B3GALNT2: variants seen among roughly 807,000 people sequenced by gnomAD.
B3GALNT2 encodes UDP-GalNAc:beta-1,3-N-acetylgalactosaminyltransferase 2.
A neutral mutation model predicts 61.1 loss-of-function variants in B3GALNT2; 53 were observed. The observed-to-expected ratio is 0.87, with a 90% CI of 0.70 to 1.09. B3GALNT2 has a LOEUF of 1.09. B3GALNT2 is among the 50% of genes least tolerant of loss of function. B3GALNT2 has a pLI of 0.00. For missense variants in B3GALNT2, 544 were observed against 623.0 expected (o/e 0.87, Z 1.35); for synonymous variants, 223 against 237.4 (o/e 0.94, Z 0.56).
chr1:235,448,589 G>A lies in B3GALNT2; in HGVS notation c.*1617C>T, dbSNP rs1339593216. On this transcript the variant is annotated 3_prime_UTR_variant, in exon 12 of 12. Coordinates refer to ENST00000366600, the MANE Select transcript of B3GALNT2 (RefSeq NM_152490.5). ...TAAGGGTAAGCTACTGCCTGGGGAC[G>A]GGGTGGGGGAAGAGTATGTGTAGCA... 17 of 1,384,424 alleles carry A rather than the reference G, an allele frequency of 1.2e-5. No homozygotes were observed. The highest frequency in any genetic ancestry group is 3.8e-4 in the Middle Eastern group (2 of 5,210). The allele number at this position is 1,384,424 out of a possible 1,614,324, so 85.8% of individuals were successfully genotyped here.
downstream of B3GALNT2, among the ~76,000 whole-genome samples, chr1:235,446,763 T>G (rs561957722): frequency 6.6e-6 from 1 of 151,156 alleles, no homozygotes; most frequent in Non-Finnish European, 1.5e-5. Context: ...AGTGGCGCGA[T>G]CATGGCTCAC....
At chr1:235,491,084 TAAA>T (rs34246434) in intron 2 of B3GALNT2, among the ~76,000 whole-genome samples, 1 of 138,924 alleles carries the variant, frequency 7.2e-6, no homozygotes, top group Non-Finnish European at 1.6e-5. Flanking sequence ...AGTGAATAGT[TAAA>T]AAAAAAAAAA....
chr1:235,452,374 A>C lies in B3GALNT2; in HGVS notation c.1368+716T>G, dbSNP rs1013389961. On this transcript the variant is annotated intron_variant, in intron 11 of 11. Transcript: ENST00000366600. ...GTTGATTTATAACCTTTTGCTTTAA[A>C]CTCAGAAAAATACTGTATGAGAAAT... 53 of 151,948 alleles carry C rather than the reference A, an allele frequency of 3.5e-4. 1 individual carries two copies. The highest frequency in any genetic ancestry group is 3.4e-3 in the Admixed American group (52 of 15,246). The allele number at this position is 151,948 out of a possible 1,614,324, so 9.4% of individuals were successfully genotyped here.
At chr1:235,471,681 GAC>G (rs1287203032) in intron 5 of B3GALNT2, among the ~76,000 whole-genome samples, 5 of 152,066 alleles carry the variant, frequency 3.3e-5, no homozygotes, top group African/African-American at 4.8e-5. Flanking sequence ...TTCAGTTTTT[GAC>G]ACAGAGCCTC....
At chr1:235,442,264 G>A (rs1407653018), downstream of B3GALNT2, among the ~76,000 whole-genome samples, 4 of 152,084 alleles carry the variant, frequency 2.6e-5, no homozygotes, top group Admixed American at 6.6e-5. Context: ...TCCGCCTCCC[G>A]GGTTCAAGCG....
chr1:235,494,787 C>A lies in B3GALNT2; in HGVS notation c.154G>T (p.Asp52Tyr). 6.2e-7 allele frequency: 1 copy of A among 1,611,250 alleles called. No homozygotes were observed. Among genetic ancestry groups the A allele is most frequent in the Non-Finnish European group, 8.5e-7 (1 of 1,177,550 alleles). Reference sequence around the variant, plus strand: ...GCTGACAACACGCCAACTACCACATCATAGTGAGTAGATTTCCACTGAGGA... The same window carrying A: ...GCTGACAACACGCCAACTACCACATAATAGTGAGTAGATTTCCACTGAGGA... ...LFPQWKSTHY[D>Y]VVVGVLSARN... The change falls in exon 2 of 12, where the codon GAT becomes TAT. Residue 52 changes from aspartate to tyrosine, a missense_variant. By Grantham distance (160) the Asp-to-Tyr change is radical. Transcript: ENST00000366600.
intron 5 of B3GALNT2, among the ~76,000 whole-genome samples, chr1:235,474,987 A>ATATATATATTT (rs1180244284): frequency 2.8e-5 from 1 of 35,574 alleles, no homozygotes; most frequent in Non-Finnish European, 4.9e-5. Context: ...ATATATATAT[A>ATATATATATTT]TTTTTTTTTT....
chr1:235,458,702 A>G lies in B3GALNT2; in HGVS notation c.926T>C (p.Leu309Ser). ...ATAGATGCTGCTTTCCTCCTTCAGT[A>G]AGGCATCTTCCTCATGGAGATTCCT... ...HIRNLHEEDA[L>S]LKEESSIYDD... is the part of the protein sequence containing the mutation. The change falls in exon 8 of 12, where the codon TTA (leucine) becomes TCA (serine). Residue 309 changes from leucine (L) to serine (S), a missense_variant. Coordinates refer to ENST00000366600, the MANE Select transcript of B3GALNT2 (RefSeq NM_152490.5). 1 of 1,613,696 alleles carries G rather than the reference A, an allele frequency of 6.2e-7. No individual in the cohort carries two copies. Among genetic ancestry groups the G allele is most frequent in the Non-Finnish European group, 8.5e-7 (1 of 1,179,840 alleles).
At chr1:235,454,842 G>A (rs1683091474) in intron 9 of B3GALNT2, among the ~76,000 whole-genome samples, 1 of 152,160 alleles carries the variant, frequency 6.6e-6, no homozygotes, top group Admixed American at 6.5e-5. Context: ...CATTTGTAGA[G>A]TTTCTGAATG....
In B3GALNT2 at chr1:235,448,509, CTAGA is replaced by C; in HGVS notation, c.*1693_*1696del. 1.3e-6 allele frequency: 2 copies of C among 1,495,308 alleles called. No homozygotes were observed. The highest frequency in any genetic ancestry group is 1.9e-6 in the Non-Finnish European group (2 of 1,071,962). The allele number at this position is 1,495,308 out of a possible 1,614,324, so 92.6% of individuals were successfully genotyped here. ...CTCGTATTATGACATTAAACTGTCT[CTAGA>C]TAGCAACAGTTTGATTCTAAATGGA... On this transcript the variant is annotated 3_prime_UTR_variant, in exon 12 of 12. Transcript: ENST00000366600.
rs35802636 is a variant in B3GALNT2, at chr1:235,470,575, C to CAA, written c.762+273_762+274dup. ...CCTGTGCAACAAAGTGAGACCCTCT[C>CAA]AAAAAAAAAAAAAAAAAGAGAAATA... On this transcript the variant is annotated intron_variant, in intron 6 of 11. Coordinates refer to ENST00000366600, the MANE Select transcript of B3GALNT2 (RefSeq NM_152490.5). 0.038 allele frequency among the ~76,000 whole-genome samples: 4,495 copies of CAA among 118,098 alleles called. 286 individuals are homozygous for CAA. The highest frequency in any genetic ancestry group is 0.12 in the African/African-American group (3,729 of 31,880). 77.5% of individuals were successfully genotyped at this position (118,098 alleles called of 152,430 possible).
At chr1:235,478,690 C>G (rs1387984240) in intron 5 of B3GALNT2, among the ~76,000 whole-genome samples, 1 of 152,162 alleles carries the variant, frequency 6.6e-6, no homozygotes, top group South Asian at 2.1e-4. Flanking sequence ...AATGACAATA[C>G]TTTCATACAA....
chr1:235,467,239 C>T (rs915021582), intron 6 of B3GALNT2, among the ~76,000 whole-genome samples: 26 of 152,194 alleles, frequency 1.7e-4, no homozygotes, highest in African/African-American at 6.3e-4. Context: ...ATCCCAGCTA[C>T]TCTGGAGGCT....
chr1:235,477,721 A>C (rs1266972926), intron 5 of B3GALNT2, among the ~76,000 whole-genome samples: 1 of 152,210 alleles, frequency 6.6e-6, no homozygotes, highest in South Asian at 2.1e-4. Context: ...TTAACAACTG[A>C]AAGTGTCTCT....
Position 235,470,843 on chromosome 1 carries a change from G to A in B3GALNT2, c.762+7C>T, listed in dbSNP as rs754179370. 1.4e-5 allele frequency: 23 copies of A among 1,609,050 alleles called. No homozygotes were observed. The highest frequency in any genetic ancestry group is 1.7e-4 in the Middle Eastern group (1 of 6,058). ...ATGCAATTAAACCTTAAAAAAAAACGACTTACTGTAATGACTCTGAGAACT... is the reference window on the plus strand; with the variant it reads ...ATGCAATTAAACCTTAAAAAAAAACAACTTACTGTAATGACTCTGAGAACT... On this transcript the variant is annotated splice_region_variant and intron_variant, in intron 6 of 11. Transcript: ENST00000366600.
intron 3 of B3GALNT2, among the ~76,000 whole-genome samples, chr1:235,488,692 C>CAAA (rs11436508): frequency 8.2e-4 from 31 of 38,012 alleles, no homozygotes; most frequent in African/African-American, 1.7e-3. Flanking sequence ...ACTCCATCTC[C>CAAA]AAAAAAAAAA....
intron 5 of B3GALNT2, among the ~76,000 whole-genome samples, chr1:235,478,082 C>T (rs973616913): frequency 6.6e-6 from 1 of 151,896 alleles, no homozygotes; most frequent in Non-Finnish European, 1.5e-5. Context: ...TTTGAGATGG[C>T]GTCTCTCTGT....
chr1:235,500,141 G>A (rs1254531380), intron 1 of B3GALNT2, among the ~76,000 whole-genome samples: 1 of 152,110 alleles, frequency 6.6e-6, no homozygotes. Context: ...AATATATCCT[G>A]AGAGTCTGGC....
At chr1:235,465,873 A>G in intron 6 of B3GALNT2, 159 bp from the exon 7 acceptor site, 5 of 720,436 alleles carry the variant, frequency 6.9e-6, no homozygotes, top group Non-Finnish European at 1.1e-5. Flanking sequence ...AGGATGACAT[A>G]CGGTATTCTA....
Sources: gnomAD v4.1 joint callset for allele counts (sites outside exome capture counted in the v4.1 genomes callset) on GRCh38, gnomAD v4.1.1 for gene constraint, MANE v1.5 for transcripts, NCBI Gene and HGNC (gene_info 2026-07-23, HGNC 2026-07-21) for gene names.